Variants in NTM observed in about 807,000 individuals in gnomAD.
NTM encodes neurotrimin, also known as IgLON family member 2.
A neutral mutation model predicts 42.1 loss-of-function variants in NTM; 13 were observed. That is an observed-to-expected ratio of 0.31 (90% confidence interval 0.20 to 0.49). NTM has a LOEUF of 0.49. Ranked by LOEUF, NTM falls within the 20% of genes least tolerant of loss-of-function variation. The pLI is 0.99. For missense variants in NTM, 373 were observed against 452.8 expected, an observed-to-expected ratio of 0.82 and a Z score of 1.60; for synonymous variants, 187 against 179.2, an observed-to-expected ratio of 1.04 and a Z score of -0.35.
chr11:132,127,576 C>T (rs2066051961), intron 2 of NTM, among the ~76,000 whole-genome samples: 1 of 152,206 alleles, frequency 6.6e-6, no homozygotes, highest in Non-Finnish European at 1.5e-5. Flanking sequence ...GCTGCATGTG[C>T]TGGTCAACAG....
At chr11:131,815,913 T>G (rs184409829) in intron 1 of NTM, among the ~76,000 whole-genome samples, 1 of 152,306 alleles carries the variant, frequency 6.6e-6, no homozygotes, top group Non-Finnish European at 1.5e-5. Context: ...AGCTGGTCTC[T>G]GCAGGAGGCG....
chr11:132,145,647 G>A (rs775364619), intron 2 of NTM, among the ~76,000 whole-genome samples: 14 of 152,316 alleles, frequency 9.2e-5, no homozygotes, highest in African/African-American at 1.7e-4. Context: ...GCAGTTAACC[G>A]AACATTTCTG....
intron 1 of NTM, among the ~76,000 whole-genome samples, chr11:131,403,026 C>T (rs1464925538): frequency 6.6e-6 from 1 of 152,188 alleles, no homozygotes; most frequent in Non-Finnish European, 1.5e-5. Context: ...AATTTAATTG[C>T]AGTAGAAAAA....
chr11:132,129,323 T>C (rs1234643971), intron 2 of NTM, among the ~76,000 whole-genome samples: 2 of 152,214 alleles, frequency 1.3e-5, no homozygotes, highest in African/African-American at 4.8e-5. Context: ...GGGGATAGTT[T>C]TCCTGTGTCT....
chr11:131,608,323 A>G (rs2061172402), intron 1 of NTM, among the ~76,000 whole-genome samples: 1 of 152,136 alleles, frequency 6.6e-6, no homozygotes, highest in South Asian at 2.1e-4. Flanking sequence ...TACATTTTTG[A>G]ATGAGTGCAT....
intron 2 of NTM, among the ~76,000 whole-genome samples, chr11:132,125,249 T>C (rs917205316): frequency 6.7e-6 from 1 of 148,344 alleles, no homozygotes; most frequent in Non-Finnish European, 1.5e-5. Context: ...TCCCTTAGAG[T>C]GTAAAGTAGA....
chr11:131,873,521 A>AGTGTGTGTGT (rs71067341), intron 1 of NTM, among the ~76,000 whole-genome samples: 1 of 52,366 alleles, frequency 1.9e-5, no homozygotes, highest in African/African-American at 5.4e-5. Context: ...CAGAACTTAA[A>AGTGTGTGTGT]GTGTGTGTGT....
At chr11:132,311,208 T>G (rs1049792605) in intron 6 of NTM, among the ~76,000 whole-genome samples, 1 of 152,178 alleles carries the variant, frequency 6.6e-6, no homozygotes, top group African/African-American at 2.4e-5. Context: ...TTTGTTTCCT[T>G]ATGAGGTCAG....
chr11:131,629,387 T>C (rs750959455), intron 1 of NTM, among the ~76,000 whole-genome samples: 1 of 152,210 alleles, frequency 6.6e-6, no homozygotes, highest in Non-Finnish European at 1.5e-5. Flanking sequence ...CACCCACCAC[T>C]GTTCCCAGCT....
chr11:132,314,448 G>A (rs1451308671), intron 6 of NTM, 104 bp from the exon 7 acceptor site: 1 of 1,293,496 alleles, frequency 7.7e-7, no homozygotes, highest in Non-Finnish European at 1.0e-6. Flanking sequence ...AATGATGTCA[G>A]AAAGGGGGGC....
intron 1 of NTM, among the ~76,000 whole-genome samples, chr11:131,471,107 G>T (rs1952395495): frequency 6.6e-6 from 1 of 152,166 alleles, no homozygotes; most frequent in Non-Finnish European, 1.5e-5. Flanking sequence ...TGACCAAACT[G>T]AAGCTCACAG....
At chr11:131,822,278 G>T (rs1210852999) in intron 1 of NTM, among the ~76,000 whole-genome samples, 3 of 151,684 alleles carry the variant, frequency 2.0e-5, no homozygotes, top group Admixed American at 2.0e-4. Flanking sequence ...CATTCTCATG[G>T]CCTCCTGGCA....
chr11:132,081,388 T>C (rs150966722), intron 2 of NTM, among the ~76,000 whole-genome samples: 2,065 of 152,322 alleles, frequency 0.014, 25 homozygotes, highest in Non-Finnish European at 0.021. Context: ...TGACATCTTG[T>C]AGTAAGACCT....
In NTM at chr11:132,147,204, TGTGTGTGTGTGAGA is replaced by T. The variant is rs1272823829; in HGVS notation, c.400+692_400+705del. On this transcript the variant is annotated intron_variant, in intron 3 of 8. Coordinates refer to ENST00000683400, the MANE Select transcript of NTM (RefSeq NM_001352005.2). ...GTGTGTGTGTGTGTGTGTGTGTGTG[TGTGTGTGTGTGAGA>T]GAGAGAGAGAGAGAGAGAGAGAATA... Among the ~76,000 whole-genome samples the T allele has an allele frequency of 2.7e-4, 38 of 143,374 alleles. No homozygotes were observed. The East Asian group carries it at 2.8e-3, about 10-fold the overall frequency. 94.1% of individuals were successfully genotyped at this position (143,374 alleles called of 152,430 possible).
At chr11:132,065,038 G>A (rs1326479447) in intron 2 of NTM, among the ~76,000 whole-genome samples, 1 of 152,168 alleles carries the variant, frequency 6.6e-6, no homozygotes, top group East Asian at 1.9e-4. Context: ...AAGAGGTTAG[G>A]GGAATGGCAC....
At chr11:131,986,939 G>A (rs1027914636) in intron 2 of NTM, among the ~76,000 whole-genome samples, 7 of 152,164 alleles carry the variant, frequency 4.6e-5, no homozygotes, top group Admixed American at 1.3e-4. Flanking sequence ...ATTAGGCAAA[G>A]AAGATTATAT....
chr11:131,373,746 G>C (rs1230452097), intron 1 of NTM, among the ~76,000 whole-genome samples: 2 of 152,134 alleles, frequency 1.3e-5, no homozygotes, highest in Non-Finnish European at 2.9e-5. Flanking sequence ...CTCCTTCGAA[G>C]GATTATTGTT....
At chr11:131,635,666 T>A (rs2064276667) in intron 1 of NTM, among the ~76,000 whole-genome samples, 1 of 152,202 alleles carries the variant, frequency 6.6e-6, no homozygotes, top group Non-Finnish European at 1.5e-5. Context: ...TTAGTGTATT[T>A]AATTTTTATT....
At chr11:131,822,024 T>C (rs529131895) in intron 1 of NTM, among the ~76,000 whole-genome samples, 1 of 152,288 alleles carries the variant, frequency 6.6e-6, no homozygotes, top group South Asian at 2.1e-4. Context: ...CAATAAAAGC[T>C]CAGGAAAGTC....
Sources: gnomAD v4.1 joint callset for allele counts (sites outside exome capture counted in the v4.1 genomes callset) on GRCh38, gnomAD v4.1.1 for gene constraint, MANE v1.5 for transcripts, NCBI Gene and HGNC (gene_info 2026-07-23, HGNC 2026-07-21) for gene names.